The following CADM1 variants were observed in gnomAD, a reference collection of about 807,000 sequenced individuals.
The protein encoded by CADM1 is TSLC-1.
In CADM1, 15 loss-of-function variants were observed where a neutral mutation model predicts 53.1. That is an observed-to-expected ratio of 0.28 (90% CI 0.19 to 0.44). CADM1 has a LOEUF of 0.44. Ranked by LOEUF, CADM1 falls within the 20% of genes least tolerant of loss-of-function variation. The pLI is 1.00. For synonymous variants in CADM1, 281 were observed against 243.0 expected (o/e 1.16, Z -1.45); for missense variants, 434 against 611.3 (o/e 0.71, Z 3.06).
chr11:115,478,438 C>G (rs1008356231), intron 1 of CADM1, among the ~76,000 whole-genome samples: 2 of 152,000 alleles, frequency 1.3e-5, no homozygotes, highest in African/African-American at 4.8e-5. Flanking sequence ...ATATAAATAC[C>G]TCTTTAAACT....
At chr11:115,380,245 G>C (rs1946542128) in intron 1 of CADM1, among the ~76,000 whole-genome samples, 1 of 151,912 alleles carries the variant, frequency 6.6e-6, no homozygotes, top group Admixed American at 6.6e-5. Flanking sequence ...ATTATAAAAT[G>C]GTCAGTTGGC....
chr11:115,342,022 T>G (rs1309644727), intron 1 of CADM1, among the ~76,000 whole-genome samples: 1 of 152,134 alleles, frequency 6.6e-6, no homozygotes, highest in African/African-American at 2.4e-5. Flanking sequence ...AGGCTAAAAT[T>G]CTATAAATTC....
At chr11:115,194,681 G>A (rs1249996335) in intron 9 of CADM1, among the ~76,000 whole-genome samples, 2 of 152,134 alleles carry the variant, frequency 1.3e-5, no homozygotes, top group Non-Finnish European at 2.9e-5. Context: ...CAGAGAGAAA[G>A]AGAGAGAGAC....
In CADM1 at chr11:115,318,039, CTACT is replaced by C. The variant is rs1174788604; in HGVS notation, c.125-77623_125-77620del. Among the ~76,000 whole-genome samples, 12 of 151,672 alleles carry C rather than the reference CTACT, an allele frequency of 7.9e-5. No homozygotes were observed. The East Asian group carries it at 1.4e-3, about 17-fold the overall frequency. On this transcript the variant is annotated intron_variant, in intron 1 of 11. Transcript: ENST00000331581. The stretch of plus-strand genomic sequence containing the variant: ...ACAATAAAAGTAAAGCTAACCTTCC[CTACT>C]TATTTTTTTTAATTTGAAAGCAAAA...
chr11:115,198,275 TTATAG>T, intron 9 of CADM1, 126 bp downstream of exon 9: 2 of 664,260 alleles, frequency 3.0e-6, no homozygotes, highest in Non-Finnish European at 5.1e-6. Context: ...CCTTAAAAAA[TTATAG>T]TATATTTATG....
chr11:115,308,456 T>C (rs1007948883), intron 1 of CADM1, among the ~76,000 whole-genome samples: 2 of 151,926 alleles, frequency 1.3e-5, no homozygotes, highest in Admixed American at 6.6e-5. Flanking sequence ...TCTGTCTTTT[T>C]ACTCAATAAA....
At chr11:115,304,751 TAACAA>T (rs1944320231) in intron 1 of CADM1, among the ~76,000 whole-genome samples, 1 of 151,976 alleles carries the variant, frequency 6.6e-6, no homozygotes, top group African/African-American at 2.4e-5. Context: ...ATTAATAACA[TAACAA>T]ATGTTAAATT....
chr11:115,488,711 T>C (rs754488486), intron 1 of CADM1, among the ~76,000 whole-genome samples: 1 of 152,238 alleles, frequency 6.6e-6, no homozygotes, highest in South Asian at 2.1e-4. Flanking sequence ...GCTAGATCAG[T>C]TGTAGGCAAT....
At chr11:115,484,182 A>G (rs1260500399) in intron 1 of CADM1, among the ~76,000 whole-genome samples, 2 of 152,206 alleles carry the variant, frequency 1.3e-5, no homozygotes, top group Non-Finnish European at 2.9e-5. Context: ...CCACACATCA[A>G]TTTCATTCAT....
chr11:115,398,149 A>G (rs1339593776), intron 1 of CADM1, among the ~76,000 whole-genome samples: 4 of 152,248 alleles, frequency 2.6e-5, no homozygotes, highest in Admixed American at 1.3e-4. Context: ...TCTGCATTCA[A>G]TGGCAGTGGC....
rs116784461 is a variant in CADM1, at chr11:115,251,624, A to G, written c.125-11204T>C. Reference sequence around the variant, plus strand: ...CTACCAGGAAGCCAAGCAGCTTTGAACTATTATATGAAATGACAATTTCTT... The same window carrying G: ...CTACCAGGAAGCCAAGCAGCTTTGAGCTATTATATGAAATGACAATTTCTT... On this transcript the variant is annotated intron_variant, in intron 1 of 11. Coordinates refer to ENST00000331581, the MANE Select transcript of CADM1 (RefSeq NM_001301043.2). Among the ~76,000 whole-genome samples, 296 of 152,346 alleles carry G rather than the reference A, an allele frequency of 1.9e-3. 2 individuals carry two copies. Among genetic ancestry groups the G allele is most frequent in the African/African-American group, 6.8e-3 (283 of 41,582 alleles).
intron 1 of CADM1, among the ~76,000 whole-genome samples, chr11:115,383,715 G>A (rs976266480): frequency 9.9e-5 from 15 of 152,026 alleles, no homozygotes; most frequent in Admixed American, 3.9e-4. Flanking sequence ...TATAAAAATT[G>A]GGTTGGAATT....
chr11:115,445,846 A>T (rs1264385021), intron 1 of CADM1: 1 of 431,686 alleles, frequency 2.3e-6, no homozygotes, highest in Non-Finnish European at 4.6e-6. Flanking sequence ...CCTGTCAAAA[A>T]AGAAAAAACG....
intron 1 of CADM1, among the ~76,000 whole-genome samples, chr11:115,267,674 CTTTCTTTTTTTT>C (rs1344956723): frequency 3.0e-5 from 4 of 135,334 alleles, no homozygotes; most frequent in Admixed American, 1.5e-4. Flanking sequence ...CCTAAAATTG[CTTTCTTTTTTTT>C]TTTTTTTTTT....
chr11:115,229,081 AC>A (rs758498158), intron 5 of CADM1, 31 bp downstream of exon 5: 70 of 1,611,584 alleles, frequency 4.3e-5, no homozygotes, highest in Non-Finnish European at 5.8e-5. Context: ...CTGCAACTCT[AC>A]GCCCTCAGAA....
chr11:115,250,952 G>T (rs72994083), intron 1 of CADM1, among the ~76,000 whole-genome samples: 2 of 152,154 alleles, frequency 1.3e-5, no homozygotes, highest in Admixed American at 6.5e-5. Context: ...GATGCTAAAA[G>T]AATGAAGGAG....
rs117706029 is a variant in CADM1 at position 115,174,954 on chromosome 11, G to A, written c.*1520C>T. On this transcript the variant is annotated 3_prime_UTR_variant, in exon 12 of 12. Coordinates refer to ENST00000331581, the MANE Select transcript of CADM1 (RefSeq NM_001301043.2). ...TAACGTGACTCCTCTACCTTTTCCC[G>A]AGGCTCCCCATCTAAGATATGTTCA... 9,844 of 985,504 alleles carry A rather than the reference G, an allele frequency of 1.0e-2. 74 individuals are homozygous for A. Among genetic ancestry groups the A allele is most frequent in the Non-Finnish European group, 0.011 (8,911 of 829,812 alleles). 61.0% of individuals were successfully genotyped at this position (985,504 alleles called of 1,614,324 possible). A position where few individuals can be genotyped will look rare whatever the true frequency, so the allele number is the denominator to read the frequency against.
intron 1 of CADM1, among the ~76,000 whole-genome samples, chr11:115,476,125 T>C (rs1242721167): frequency 6.6e-6 from 1 of 152,198 alleles, no homozygotes; most frequent in Non-Finnish European, 1.5e-5. Context: ...GCAATTCACA[T>C]TCAAATTAAA....
intron 3 of CADM1, among the ~76,000 whole-genome samples, chr11:115,233,038 T>G (rs1212761368): frequency 6.6e-6 from 1 of 152,220 alleles, no homozygotes; most frequent in African/African-American, 2.4e-5. Flanking sequence ...AGGAAGACTT[T>G]TACACTGAAT....
Sources: allele counts gnomAD v4.1 joint callset (sites outside exome capture counted in the v4.1 genomes callset), GRCh38; gene constraint gnomAD v4.1.1; transcripts MANE v1.5; gene names NCBI Gene and HGNC (gene_info 2026-07-23, HGNC 2026-07-21).